GTF2F2: variants seen among roughly 807,000 people sequenced by gnomAD.
The protein encoded by GTF2F2 is general transcription factor IIF subunit 2.
GTF2F2 carries 23 observed loss-of-function variants against 42.2 expected under a neutral mutation model. The ratio of observed to expected loss-of-function variants is 0.55; its 90% CI spans 0.39 to 0.77. The LOEUF (loss-of-function observed/expected upper bound fraction) is 0.77, where lower values mean the gene tolerates loss of function less well. GTF2F2 is among the 30% of genes least tolerant of loss of function. The pLI is 0.00. For missense variants in GTF2F2, 261 were observed against 287.2 expected, an observed-to-expected ratio of 0.91 and a Z score of 0.66; for synonymous variants, 105 against 100.8, an observed-to-expected ratio of 1.04 and a Z score of -0.25.
At chr13:45,268,295 T>C (rs1876652741) in intron 7 of GTF2F2, among the ~76,000 whole-genome samples, 2 of 152,168 alleles carry the variant, frequency 1.3e-5, no homozygotes, top group Admixed American at 1.3e-4. Context: ...CAATAACCAA[T>C]TTTAAAAAAC....
chr13:45,155,569 G>A (rs1870716035), intron 4 of GTF2F2, among the ~76,000 whole-genome samples: 1 of 152,156 alleles, frequency 6.6e-6, no homozygotes, highest in East Asian at 1.9e-4. Flanking sequence ...CGAATTAGAG[G>A]AGACTAATGA....
intron 4 of GTF2F2, among the ~76,000 whole-genome samples, chr13:45,159,530 T>TC (rs1870934234): frequency 6.6e-6 from 1 of 152,122 alleles, no homozygotes; most frequent in Non-Finnish European, 1.5e-5. Flanking sequence ...AGCAGAATAC[T>TC]CCAAGTAGCA....
At chr13:45,203,517 G>A (rs1417390427) in intron 4 of GTF2F2, among the ~76,000 whole-genome samples, 1 of 152,030 alleles carries the variant, frequency 6.6e-6, no homozygotes, top group Admixed American at 6.6e-5. Flanking sequence ...TGTCTCACCT[G>A]TACCTAATTT....
intron 4 of GTF2F2, among the ~76,000 whole-genome samples, chr13:45,173,011 T>G (rs1365056704): frequency 6.6e-6 from 1 of 152,132 alleles, no homozygotes; most frequent in Non-Finnish European, 1.5e-5. Context: ...CCAGCTGGGA[T>G]TTTGGTAGGG....
chr13:45,204,760 G>C (rs188841369), intron 4 of GTF2F2, among the ~76,000 whole-genome samples: 1 of 152,280 alleles, frequency 6.6e-6, no homozygotes, highest in African/African-American at 2.4e-5. Flanking sequence ...AGAGATGTCA[G>C]GTTACTTAGG....
intron 7 of GTF2F2, among the ~76,000 whole-genome samples, chr13:45,274,779 CAAAAAA>C (rs1846484021): frequency 1.3e-5 from 2 of 151,882 alleles, no homozygotes; most frequent in Non-Finnish European, 2.9e-5. Context: ...CCTGTCTCCA[CAAAAAA>C]CACAAAAATT....
At chr13:45,163,198 C>T (rs1394888044) in intron 4 of GTF2F2, among the ~76,000 whole-genome samples, 1 of 152,080 alleles carries the variant, frequency 6.6e-6, no homozygotes, top group Non-Finnish European at 1.5e-5. Flanking sequence ...TCTCTTCTTC[C>T]TTTTGATTTT....
Position 45,270,142 on chromosome 13 carries a change from T to A in GTF2F2, c.630+2766T>A, listed in dbSNP as rs139979203. ...ACCGTTCCTGGCCAAAACCTTCATTTCTATAAGTAAAATTATTGGCTAGAG... is the reference window on the plus strand; with the variant it reads ...ACCGTTCCTGGCCAAAACCTTCATTACTATAAGTAAAATTATTGGCTAGAG... On this transcript the variant is annotated intron_variant, in intron 7 of 7. Transcript: ENST00000340473. 1.4e-3 allele frequency among the ~76,000 whole-genome samples: 206 copies of A among 152,226 alleles called. 1 individual carries two copies. The highest frequency in any genetic ancestry group is 1.5e-3 in the Non-Finnish European group (100 of 68,018).
intron 5 of GTF2F2, among the ~76,000 whole-genome samples, chr13:45,222,887 G>A (rs1391359757): frequency 2.6e-5 from 4 of 152,300 alleles, no homozygotes; most frequent in Non-Finnish European, 5.9e-5. Context: ...TGGGCACGGT[G>A]GCTCACGCCT....
chr13:45,173,612 A>ATTTTTTT (rs56033747), intron 4 of GTF2F2, among the ~76,000 whole-genome samples: 16 of 93,700 alleles, frequency 1.7e-4, no homozygotes, highest in South Asian at 3.6e-4. Context: ...TAACTTTGTC[A>ATTTTTTT]TTTTTTTTTT....
chr13:45,214,725 T>TCCAAAAACC (rs1873820889), intron 5 of GTF2F2, among the ~76,000 whole-genome samples: 11 of 152,104 alleles, frequency 7.2e-5, no homozygotes, highest in African/African-American at 2.7e-4. Context: ...AGTGTAACTT[T>TCCAAAAACC]TATTTCAGCC....
intron 4 of GTF2F2, among the ~76,000 whole-genome samples, chr13:45,191,224 A>AAAAAAATATATATATATATATAT: frequency 4.0e-5 from 3 of 75,310 alleles, no homozygotes; most frequent in Admixed American, 1.4e-4. Context: ...ACAAAAAAAA[A>AAAAAAATATATATATATATATAT]ATATATATAT....
chr13:45,124,348 C>G (rs570066318), intron 1 of GTF2F2, among the ~76,000 whole-genome samples: 1 of 151,742 alleles, frequency 6.6e-6, no homozygotes, highest in East Asian at 2.0e-4. Flanking sequence ...TCCCAAAGTG[C>G]TGGGATTACA....
intron 5 of GTF2F2, among the ~76,000 whole-genome samples, chr13:45,239,521 TC>T (rs1183084479): frequency 1.3e-5 from 2 of 152,184 alleles, no homozygotes; most frequent in African/African-American, 4.8e-5. Context: ...ACAAAAAGAC[TC>T]CATTAGTCTG....
chr13:45,261,350 C>T (rs1180868888), intron 6 of GTF2F2, among the ~76,000 whole-genome samples: 11 of 146,008 alleles, frequency 7.5e-5, no homozygotes, highest in South Asian at 4.3e-4. Context: ...CACTTGAACC[C>T]GGGAGGCTGA....
intron 1 of GTF2F2, among the ~76,000 whole-genome samples, chr13:45,132,981 C>T (rs1018915771): frequency 5.9e-5 from 9 of 151,854 alleles, no homozygotes; most frequent in Admixed American, 1.3e-4. Context: ...GACCAGCTAG[C>T]GTGATCGAGA....
chr13:45,205,025 A>G (rs950998779), intron 4 of GTF2F2, among the ~76,000 whole-genome samples: 10 of 152,188 alleles, frequency 6.6e-5, no homozygotes, highest in Middle Eastern at 3.2e-3. Flanking sequence ...TGATAGCACA[A>G]ACCTTTAACT....
chr13:45,250,385 T>G (rs1875828686), intron 5 of GTF2F2, among the ~76,000 whole-genome samples: 1 of 152,168 alleles, frequency 6.6e-6, no homozygotes. Flanking sequence ...CTGCTCCAGT[T>G]TACTCTCAAA....
intron 6 of GTF2F2, among the ~76,000 whole-genome samples, chr13:45,259,635 G>A (rs1419657256): frequency 7.0e-6 from 1 of 143,602 alleles, no homozygotes; most frequent in Non-Finnish European, 1.5e-5. Flanking sequence ...CCTCTTTCTC[G>A]CAAACCTAGA....
Sources: gnomAD v4.1 joint callset for allele counts (sites outside exome capture counted in the v4.1 genomes callset) on GRCh38, gnomAD v4.1.1 for gene constraint, MANE v1.5 for transcripts, NCBI Gene and HGNC (gene_info 2026-07-23, HGNC 2026-07-21) for gene names.